VPS51: variants seen among roughly 807,000 people sequenced by gnomAD.
VPS51 encodes the protein vacuolar protein sorting-associated protein 51 homolog.
Under a neutral mutation model 65.1 loss-of-function variants are expected in VPS51, and 55 were observed. That is an observed-to-expected ratio of 0.84 (90% CI 0.68 to 1.06). The LOEUF (loss-of-function observed/expected upper bound fraction) is 1.06. VPS51 is among the 50% of genes least tolerant of loss of function. The pLI is 0.00. For missense variants in VPS51, 943 were observed against 1,101.6 expected, an observed-to-expected ratio of 0.86 and a Z score of 2.04; for synonymous variants, 473 against 489.5, an observed-to-expected ratio of 0.97 and a Z score of 0.44.
At position 65,096,384 on chromosome 11, in the gene VPS51, A is replaced by C; in HGVS notation, c.134A>C (p.Glu45Ala). The C allele has an allele frequency of 6.5e-7, 1 of 1,533,502 alleles. No homozygotes were observed. The highest frequency in any genetic ancestry group is 1.2e-5 in the South Asian group (1 of 81,330). 95.0% of individuals were successfully genotyped at this position (1,533,502 alleles called of 1,614,324 possible). Residue 45 changes from glutamate (E) to alanine (A), a missense_variant, in exon 1 of 10, where the codon GAA becomes GCA. Glu to Ala is a moderately radical substitution (Grantham distance 107). Coordinates refer to ENST00000279281, the MANE Select transcript of VPS51 (RefSeq NM_013265.4). Reference sequence around the variant, plus strand: ...CTGAAGCTTTACTACGGCCTCTCGGAAGGGGAGGCGGCGGGACGCCCCGCG... The same window carrying C: ...CTGAAGCTTTACTACGGCCTCTCGGCAGGGGAGGCGGCGGGACGCCCCGCG... Reference protein sequence around the residue: ...GMLKLYYGLSEGEAAGRPAGP... With the variant: ...GMLKLYYGLSAGEAAGRPAGP...
chr11:65,103,034 G>A (rs745698680), intron 2 of VPS51, among the ~76,000 whole-genome samples: 6 of 152,174 alleles, frequency 3.9e-5, no homozygotes, highest in Non-Finnish European at 7.4e-5. Flanking sequence ...CTTGTGTGTA[G>A]TCCCAGCTAC....
At chr11:65,098,671 C>G (rs963782154) in intron 2 of VPS51, among the ~76,000 whole-genome samples, 3 of 152,218 alleles carry the variant, frequency 2.0e-5, no homozygotes, top group South Asian at 2.1e-4. Flanking sequence ...GAAGCAGATT[C>G]CATGAGTAGG....
At chr11:65,103,172 G>T (rs1389048362) in intron 2 of VPS51, among the ~76,000 whole-genome samples, 1 of 152,160 alleles carries the variant, frequency 6.6e-6, no homozygotes, top group African/African-American at 2.4e-5. Context: ...TGATTCTCCT[G>T]CCTTAGCCTC....
chr11:65,109,395 C>T lies in VPS51; in HGVS notation c.1559C>T (p.Pro520Leu). Residue 520 changes from proline to leucine, a missense_variant, in exon 6 of 10, where the codon CCA (proline) becomes CTA (leucine). Physicochemically the swap from Pro to Leu is moderately conservative, Grantham distance 98 (BLOSUM62 -3). This residue lies in a region of VPS51 where 855 missense variants were observed against 953.7 expected (regional missense o/e 0.90). Transcript: ENST00000279281. ...DSPGEKGGAT[P>L]PALLLLLSRL... ...CCTGGGGAGAAGGGGGGTGCCACAC[C>T]ACCTGCCCTGCTCCTGCTGCTCTCC... is the stretch of plus-strand genomic sequence containing the variant. The T allele has an allele frequency of 1.9e-6, 3 of 1,612,062 alleles. No homozygotes were observed. Among genetic ancestry groups the T allele is most frequent in the Non-Finnish European group, 1.7e-6 (2 of 1,180,004 alleles).
At chr11:65,098,490 T>C (rs937116297) in intron 2 of VPS51, among the ~76,000 whole-genome samples, 3 of 152,204 alleles carry the variant, frequency 2.0e-5, no homozygotes, top group East Asian at 3.8e-4. Flanking sequence ...ACTCAGACTT[T>C]TGTAGTAATT....
chr11:65,107,167 G>A lies in VPS51; in HGVS notation c.359-414G>A. 1 of 465,760 alleles carries A rather than the reference G, an allele frequency of 2.1e-6. No individual in the cohort carries two copies. Among genetic ancestry groups the A allele is most frequent in the Non-Finnish European group, 4.3e-6 (1 of 233,808 alleles). The allele number at this position is 465,760 out of a possible 1,614,324, so 28.9% of individuals were successfully genotyped here. On this transcript the variant is annotated intron_variant, in intron 2 of 9. Transcript: ENST00000279281. This position sits in a 1 kb window ranked among gnomAD's most constrained non-coding sequence, Gnocchi z 4.0. ...CTGGAAAGGAGATGAGGGTCAACAA[G>A]AATGTATTGCCTCATCCAGGCAGTG...
chr11:65,108,637 C>T lies in VPS51; in HGVS notation c.1166C>T (p.Ala389Val), dbSNP rs758264336. Residue 389 changes from alanine (A) to valine (V), a missense_variant, in exon 5 of 10, where the codon GCC (alanine) becomes GTC (valine). Ala to Val is a moderately conservative substitution (Grantham distance 64). Coordinates refer to ENST00000279281, the MANE Select transcript of VPS51 (RefSeq NM_013265.4). ...GCTCCCGGGGCCCTGCTGGCCGCTG[C>T]CGGGCTCGCAGACGCTGCCACGGAG... Reference protein sequence around the residue: ...LRAPGALLAAAGLADAATEIV... With the variant: ...LRAPGALLAAVGLADAATEIV... 1.6e-5 allele frequency: 24 copies of T among 1,534,250 alleles called. No homozygotes were observed. The highest frequency in any genetic ancestry group is 1.1e-4 in the South Asian group (9 of 84,670).
Position 65,107,517 on chromosome 11 carries a change from A to C in VPS51, c.359-64A>C. 1 of 1,530,676 alleles carries C rather than the reference A, an allele frequency of 6.5e-7. No homozygotes were observed. The highest frequency in any genetic ancestry group is 8.8e-7 in the Non-Finnish European group (1 of 1,133,704). 94.8% of individuals were successfully genotyped at this position (1,530,676 alleles called of 1,614,324 possible). A position where few individuals can be genotyped will look rare whatever the true frequency, so the allele number is the denominator to read the frequency against. On this transcript the variant is annotated intron_variant, in intron 2 of 9. Transcript: ENST00000279281. This position sits in a 1 kb window ranked among gnomAD's most constrained non-coding sequence, Gnocchi z 4.0. ...GTCTGTGAAGGGGTGGGTGAGAAGG[A>C]GCTGAGGTTGCGCCCGCCCTGCAGT...
rs767698867 is a variant in VPS51 at position 65,108,491 on chromosome 11, C to T, written c.1020C>T (p.Phe340=). The T allele has an allele frequency of 2.5e-5, 40 of 1,603,662 alleles. No individual in the cohort carries two copies. Among genetic ancestry groups the T allele is most frequent in the Non-Finnish European group, 3.4e-5 (40 of 1,178,124 alleles). ...CAGGTGCCGAGAAGCTGGCGGCCTT[C>T]GCCCGGCAGCTGGGCAGCCGCTATT... ...GPAGAEKLAA[F]ARQLGSRYFA... Residue 340 remains phenylalanine (F), a synonymous_variant, in exon 5 of 10, where the codon TTC becomes TTT. Coordinates refer to ENST00000279281, the MANE Select transcript of VPS51 (RefSeq NM_013265.4).
chr11:65,097,265 T>A (rs923808990), intron 2 of VPS51, 138 bp downstream of exon 2: 1 of 1,321,728 alleles, frequency 7.6e-7, no homozygotes. Flanking sequence ...TCTCACCTCC[T>A]TTCCTTTGAG....
chr11:65,109,036 A>C, intron 5 of VPS51, 122 bp downstream of exon 5: 2 of 1,263,864 alleles, frequency 1.6e-6, no homozygotes, highest in Non-Finnish European at 2.3e-6. Context: ...GTTCTTATGC[A>C]CGGTCTGGGG....
In VPS51 at chr11:65,108,600, C is replaced by G. The variant is rs1947862626; in HGVS notation, c.1129C>G (p.Arg377Gly). Residue 377 changes from arginine to glycine, a missense_variant, in exon 5 of 10, where the codon CGG becomes GGG. This residue lies in a region of VPS51 where 855 missense variants were observed against 953.7 expected (regional missense o/e 0.90). Coordinates refer to ENST00000279281, the MANE Select transcript of VPS51 (RefSeq NM_013265.4). The part of the protein sequence containing the change: ...LLVRALDRFH[R>G]RLRAPGALLA... ...GGTGCGGGCGCTGGACCGCTTCCAC[C>G]GGCGCTTGCGGGCTCCCGGGGCCCT... The G allele has an allele frequency of 1.3e-6, 2 of 1,532,986 alleles. No individual in the cohort carries two copies. Among genetic ancestry groups the G allele is most frequent in the Non-Finnish European group, 8.7e-7 (1 of 1,147,340 alleles). The allele number at this position is 1,532,986 out of a possible 1,614,324, so 95.0% of individuals were successfully genotyped here.
chr11:65,109,979 C>G, intron 7 of VPS51, 56 bp downstream of exon 7: 1 of 1,503,912 alleles, frequency 6.6e-7, no homozygotes, highest in Non-Finnish European at 8.9e-7. Context: ...ACTGTCCCTT[C>G]AAGAGGGGCT....
In VPS51 at chr11:65,108,355, C is replaced by T; in HGVS notation, c.884C>T (p.Pro295Leu). The T allele has an allele frequency of 6.2e-7, 1 of 1,612,002 alleles. No homozygotes were observed. The highest frequency in any genetic ancestry group is 8.5e-7 in the Non-Finnish European group (1 of 1,179,618). Residue 295 changes from proline (P) to leucine (L), a missense_variant, in exon 5 of 10, where the codon CCT becomes CTT. By Grantham distance (98) the Pro-to-Leu change is moderately conservative. Around this residue, in one of 2 missense-constraint regions of VPS51, gnomAD observed 855 missense variants for 953.7 expected, o/e 0.90. Coordinates refer to ENST00000279281, the MANE Select transcript of VPS51 (RefSeq NM_013265.4). Reference sequence around the variant, plus strand: ...CTGGAGGCCGAGCTGGGGCCCTCACCTCCGGCTCCCGACGTGTTAGAGTTC... The same window carrying T: ...CTGGAGGCCGAGCTGGGGCCCTCACTTCCGGCTCCCGACGTGTTAGAGTTC... Reference protein sequence around the residue: ...RNLEAELGPSPPAPDVLEFTD... With the variant: ...RNLEAELGPSLPAPDVLEFTD...
At chr11:65,100,167 AAGTT>A (rs1947798586) in intron 2 of VPS51, among the ~76,000 whole-genome samples, 1 of 152,340 alleles carries the variant, frequency 6.6e-6, no homozygotes, top group East Asian at 1.9e-4. Context: ...AAATATTTGC[AAGTT>A]AGTTATCTAA....
chr11:65,096,464 GT>G lies in VPS51; in HGVS notation c.217del (p.Tyr73ThrfsTer2). The G allele has an allele frequency of 7.8e-7, 1 of 1,287,046 alleles. No individual in the cohort carries two copies. Among genetic ancestry groups the G allele is most frequent in the South Asian group, 1.3e-5 (1 of 77,028 alleles). The allele number at this position is 1,287,046 out of a possible 1,614,324, so 79.7% of individuals were successfully genotyped here. On this transcript the variant is annotated frameshift_variant, in exon 1 of 10. Coordinates refer to ENST00000279281, the MANE Select transcript of VPS51 (RefSeq NM_013265.4). LOFTEE classifies it high-confidence loss of function. Reference sequence around the variant, plus strand: ...GAACGGGGCGCACTTCGACCCGGAAGTTTACCTAGACAAGGTGTGTGCGCAC... The same window carrying G: ...GAACGGGGCGCACTTCGACCCGGAAGTTACCTAGACAAGGTGTGTGCGCAC... ...DLNGAHFDPEVYLDKLRRECP... is the reference protein window; with the variant it reads ...DLNGAHFDPEXYLDKLRRECP...
At position 65,111,447 on chromosome 11, in the gene VPS51, C is replaced by T; in HGVS notation, c.2209C>T (p.Leu737Phe). 1 of 1,613,976 alleles carries T rather than the reference C, an allele frequency of 6.2e-7. No individual in the cohort carries two copies. The highest frequency in any genetic ancestry group is 8.5e-7 in the Non-Finnish European group (1 of 1,180,048). The change falls in exon 10 of 10, where the codon CTC becomes TTC. Residue 737 changes from leucine (L) to phenylalanine (F), a missense_variant. Leu to Phe is a conservative substitution (Grantham distance 22). Coordinates refer to ENST00000279281, the MANE Select transcript of VPS51 (RefSeq NM_013265.4). ...QVQVDCHFLQ[L>F]YLWRFVADEE... ...GCAAGTGGACTGCCACTTTCTGCAG[C>T]TCTACCTGTGGCGTTTTGTGGCCGA...
chr11:65,109,208 C>G lies in VPS51; in HGVS notation c.1444-72C>G, dbSNP rs577686094. ...AGAGGGGGCTGGGGCACTTAGAGCC[C>G]CAGCAGAGGGTCATTAACAGCCTTA... On this transcript the variant is annotated intron_variant, in intron 5 of 9. Transcript: ENST00000279281. 3.0e-5 allele frequency: 46 copies of G among 1,514,068 alleles called. No homozygotes were observed. In the African/African-American group the frequency reaches 6.2e-4, roughly 20 times the overall value. The allele number at this position is 1,514,068 out of a possible 1,614,324, so 93.8% of individuals were successfully genotyped here. A position where few individuals can be genotyped will look rare whatever the true frequency, so the allele number is the denominator to read the frequency against.
chr11:65,109,146 C>T (rs118099554), intron 5 of VPS51, 134 bp from the exon 6 acceptor site: 128 of 1,119,372 alleles, frequency 1.1e-4, no homozygotes, highest in East Asian at 1.1e-3. Context: ...GAAGCTGCTC[C>T]GGGGTACTTA....
Sources: gnomAD v4.1 joint callset for allele counts (sites outside exome capture counted in the v4.1 genomes callset) on GRCh38, gnomAD v4.1.1 for gene constraint, gnomAD v4.1.1 regional missense constraint, Gnocchi (gnomAD v3.1) non-coding constraint, MANE v1.5 for transcripts, NCBI Gene and HGNC (gene_info 2026-07-23, HGNC 2026-07-21) for gene names.